Variants in ZNF180 observed in about 807,000 individuals in gnomAD.
ZNF180 encodes the protein zinc finger protein 180 (HHZ168).
Under a neutral mutation model 11.8 loss-of-function variants are expected in ZNF180, and 11 were observed. That is an observed-to-expected ratio of 0.93 (90% CI 0.59 to 1.55). The LOEUF (loss-of-function observed/expected upper bound fraction) is 1.55. Ranked by LOEUF, ZNF180 falls within the 40% of genes most tolerant of loss-of-function variation. ZNF180 has a pLI of 0.00. For missense variants in ZNF180, 773 were observed against 781.7 expected (o/e 0.99, Z 0.13); for synonymous variants, 287 against 257.7 (o/e 1.11, Z -1.09).
intron 2 of ZNF180, among the ~76,000 whole-genome samples, chr19:44,496,353 C>CAA (rs1970578460): frequency 6.6e-6 from 1 of 151,784 alleles, no homozygotes; most frequent in Admixed American, 6.6e-5. Flanking sequence ...GTGTACTGTA[C>CAA]AAAAATATGA....
In ZNF180 at chr19:44,477,247, T is replaced by G; in HGVS notation, c.1153A>C (p.Asn385His). The G allele has an allele frequency of 6.2e-7, 1 of 1,614,168 alleles. No homozygotes were observed. Among genetic ancestry groups the G allele is most frequent in the Non-Finnish European group, 8.5e-7 (1 of 1,180,012 alleles). The change falls in exon 5 of 5, where the codon AAT becomes CAT. Residue 385 changes from asparagine (N) to histidine (H), a missense_variant. By Grantham distance (68) the Asn-to-His change is moderately conservative (BLOSUM62 1). Transcript: ENST00000592529. Reference protein sequence around the residue: ...THTGEKPYRCNQCGKSFSQSY... With the variant: ...THTGEKPYRCHQCGKSFSQSY... ...TGGCTAAAGGATTTCCCACATTGATTACACCTGTAAGGTTTCTCTCCAGTA... is the reference window on the plus strand; with the variant it reads ...TGGCTAAAGGATTTCCCACATTGATGACACCTGTAAGGTTTCTCTCCAGTA...
In ZNF180 at chr19:44,495,780, C is replaced by T. The variant is rs1970564533; in HGVS notation, c.51+1504G>A. ...CTTCTTCATTCCACTTGGGCTCTGACTATGCTGGGATGTCATCCTGTGCAG... is the reference window on the plus strand; with the variant it reads ...CTTCTTCATTCCACTTGGGCTCTGATTATGCTGGGATGTCATCCTGTGCAG... On this transcript the variant is annotated intron_variant, in intron 2 of 4. Coordinates refer to ENST00000592529, the MANE Select transcript of ZNF180 (RefSeq NM_001278509.3). This position sits in a 1 kb window ranked among gnomAD's most constrained non-coding sequence, Gnocchi z 4.5. Among the ~76,000 whole-genome samples the T allele has an allele frequency of 1.3e-5, 2 of 152,150 alleles. No homozygotes were observed. Among genetic ancestry groups the T allele is most frequent in the Non-Finnish European group, 2.9e-5 (2 of 68,038 alleles).
At chr19:44,488,103 CTCTCTTTCCACGGTCTCCCTCTCCT>C (rs1970283449) in intron 2 of ZNF180, among the ~76,000 whole-genome samples, 18 of 66,290 alleles carry the variant, frequency 2.7e-4, no homozygotes, top group African/African-American at 7.6e-4. Context: ...CTCCCTCTCC[CTCTCTTTCCACGGTCTCCCTCTCCT>C]TCTCTTTCCA....
chr19:44,482,965 A>G (rs1310893311), intron 3 of ZNF180, among the ~76,000 whole-genome samples: 1 of 152,232 alleles, frequency 6.6e-6, no homozygotes. Flanking sequence ...CAAGTCTCAT[A>G]TTCTGAAGCT....
At chr19:44,484,211 G>A (rs914778897) in intron 3 of ZNF180, 150 bp downstream of exon 3, 14 of 643,412 alleles carry the variant, frequency 2.2e-5, no homozygotes, top group Admixed American at 4.9e-5. Context: ...TGTTAGCCAG[G>A]ATGGTCTCGA....
At chr19:44,490,086 G>T (rs1204890466) in intron 2 of ZNF180, among the ~76,000 whole-genome samples, 1 of 132,892 alleles carries the variant, frequency 7.5e-6, no homozygotes, top group African/African-American at 2.8e-5. Flanking sequence ...AAGAGGGAAG[G>T]GAAGGGAAAG....
chr19:44,489,086 C>T (rs1400315381), intron 2 of ZNF180, among the ~76,000 whole-genome samples: 1 of 138,942 alleles, frequency 7.2e-6, no homozygotes, highest in East Asian at 2.8e-4. Context: ...GCCAGCCGCC[C>T]CGTCCGGGAG....
intron 3 of ZNF180, 156 bp from the exon 4 acceptor site, chr19:44,479,565 G>A: frequency 1.0e-6 from 1 of 956,466 alleles, no homozygotes; most frequent in East Asian, 2.6e-5. Context: ...AGATGTACAG[G>A]TGCCTTCTGG....
chr19:44,491,328 T>TTTA (rs1970445524), intron 2 of ZNF180, among the ~76,000 whole-genome samples: 1 of 152,234 alleles, frequency 6.6e-6, no homozygotes, highest in African/African-American at 2.4e-5. Context: ...ACAAACTAAA[T>TTTA]GCTCAGAAAC....
intron 2 of ZNF180, among the ~76,000 whole-genome samples, chr19:44,488,417 G>A (rs1410484067): frequency 3.9e-5 from 6 of 152,170 alleles, no homozygotes; most frequent in South Asian, 4.2e-4. Flanking sequence ...GGCGTGCGCC[G>A]CCACGCCTGA....
chr19:44,490,899 TGAA>T (rs753131407), intron 2 of ZNF180, among the ~76,000 whole-genome samples: 100 of 152,350 alleles, frequency 6.6e-4, no homozygotes, highest in Admixed American at 3.7e-3. Context: ...AGACTCTGGA[TGAA>T]ATGTCCTTCC....
intron 1 of ZNF180, among the ~76,000 whole-genome samples, chr19:44,498,388 G>T (rs182440688): frequency 9.9e-5 from 15 of 152,164 alleles, no homozygotes; most frequent in Non-Finnish European, 2.1e-4. Flanking sequence ...ATATTCTCAC[G>T]CAGCATAGCG....
Position 44,495,904 on chromosome 19 carries a change from C to T in ZNF180, c.51+1380G>A, listed in dbSNP as rs1478142786. Among the ~76,000 whole-genome samples, 3 of 152,312 alleles carry T rather than the reference C, an allele frequency of 2.0e-5. No homozygotes were observed. In the South Asian group the frequency reaches 6.2e-4, roughly 32 times the overall value. The stretch of plus-strand genomic sequence containing the variant: ...ACTGTAGGTGCCCCCTAACACTGCC[C>T]CACCTCACGGCTTCAAGGCTGACTT... On this transcript the variant is annotated intron_variant, in intron 2 of 4. Transcript: ENST00000592529. The surrounding 1 kb of genome is among the most constrained non-coding windows in gnomAD (Gnocchi z 4.5).
At chr19:44,487,508 G>A (rs988460424) in intron 2 of ZNF180, among the ~76,000 whole-genome samples, 1 of 152,176 alleles carries the variant, frequency 6.6e-6, no homozygotes, top group Non-Finnish European at 1.5e-5. Context: ...TCAGCGCCAT[G>A]ACAGTTTTGT....
At chr19:44,483,354 A>G (rs1970132874) in intron 3 of ZNF180, among the ~76,000 whole-genome samples, 1 of 152,196 alleles carries the variant, frequency 6.6e-6, no homozygotes, top group Non-Finnish European at 1.5e-5. Flanking sequence ...TAGGAAGTGG[A>G]CCTGGCAAAT....
intron 2 of ZNF180, chr19:44,484,725 A>T: frequency 4.4e-6 from 2 of 454,072 alleles, no homozygotes; most frequent in South Asian, 2.6e-5. Flanking sequence ...GATCCAAGAC[A>T]CTAAGGAGCA....
rs138965198 is a variant in ZNF180, at chr19:44,495,535, G to A, written c.51+1749C>T. On this transcript the variant is annotated intron_variant, in intron 2 of 4. Transcript: ENST00000592529. This position sits in a 1 kb window ranked among gnomAD's most constrained non-coding sequence, Gnocchi z 4.5. Reference sequence around the variant, plus strand: ...AGGCTGCACCTGACCCCCAACACAGGTGCACATCTCACCCCACTCTGGCTC... The same window carrying A: ...AGGCTGCACCTGACCCCCAACACAGATGCACATCTCACCCCACTCTGGCTC... Among the ~76,000 whole-genome samples, 16 of 152,022 alleles carry A rather than the reference G, an allele frequency of 1.1e-4. No individual in the cohort carries two copies. The highest frequency in any genetic ancestry group is 5.9e-4 in the Admixed American group (9 of 15,276).
chr19:44,488,365 C>T (rs551386498), intron 2 of ZNF180, among the ~76,000 whole-genome samples: 5 of 152,214 alleles, frequency 3.3e-5, no homozygotes, highest in Admixed American at 1.3e-4. Context: ...AACCTCCCTG[C>T]CTGATTCTCC....
chr19:44,493,641 T>C (rs1282548464), intron 2 of ZNF180, among the ~76,000 whole-genome samples: 1 of 152,160 alleles, frequency 6.6e-6, no homozygotes, highest in Non-Finnish European at 1.5e-5. Context: ...CCAAGGTGGG[T>C]CTGTGTGACC....
Sources: allele counts gnomAD v4.1 joint callset (sites outside exome capture counted in the v4.1 genomes callset), GRCh38; gene constraint gnomAD v4.1.1; non-coding constraint Gnocchi (gnomAD v3.1); transcripts MANE v1.5; gene names NCBI Gene and HGNC (gene_info 2026-07-23, HGNC 2026-07-21).